AGO3: variants seen among roughly 807,000 people sequenced by gnomAD.
The protein encoded by AGO3 is protein argonaute-3.
A neutral mutation model predicts 105.5 loss-of-function variants in AGO3; 16 were observed. That is an observed-to-expected ratio of 0.15 (90% CI 0.10 to 0.23). The LOEUF (loss-of-function observed/expected upper bound fraction) is 0.23, where lower values mean the gene tolerates loss of function less well. Among genes scored for constraint, AGO3 ranks in the 10% least tolerant of loss-of-function variants. The pLI is 1.00. For synonymous variants in AGO3, 340 were observed against 367.3 expected (o/e 0.93, Z 0.85); for missense variants, 534 against 1,088.0 (o/e 0.49, Z 7.16).
chr1:35,958,494 C>G (rs963281346), intron 2 of AGO3, among the ~76,000 whole-genome samples: 1 of 152,026 alleles, frequency 6.6e-6, no homozygotes, highest in Non-Finnish European at 1.5e-5. Context: ...AACTCTGTCT[C>G]TACAAGAAAT....
intron 17 of AGO3, among the ~76,000 whole-genome samples, chr1:36,053,608 C>T (rs1642807192): frequency 1.3e-5 from 2 of 152,030 alleles, no homozygotes; most frequent in Admixed American, 6.6e-5. Flanking sequence ...GAGACAGGGT[C>T]TTGCTGTGTT....
At chr1:35,980,977 A>G (rs1418421699) in intron 5 of AGO3, among the ~76,000 whole-genome samples, 1 of 151,922 alleles carries the variant, frequency 6.6e-6, no homozygotes, top group Non-Finnish European at 1.5e-5. Context: ...TCATCTTTTT[A>G]ATTCTTAAAA....
chr1:36,034,059 T>C (rs897494208), intron 12 of AGO3, 115 bp from the exon 13 acceptor site: 8 of 1,024,044 alleles, frequency 7.8e-6, no homozygotes, highest in Non-Finnish European at 1.0e-5. Flanking sequence ...TAATTTTTGG[T>C]ATCCTGTAAT....
chr1:35,960,557 C>T (rs972504826), intron 2 of AGO3, among the ~76,000 whole-genome samples: 1 of 151,894 alleles, frequency 6.6e-6, no homozygotes, highest in Admixed American at 6.6e-5. Context: ...CATGTAATCT[C>T]AACACTCTGG....
chr1:35,965,489 C>CAAAAAAAA (rs1171759827), intron 2 of AGO3, among the ~76,000 whole-genome samples: 1 of 87,452 alleles, frequency 1.1e-5, no homozygotes, highest in Non-Finnish European at 2.4e-5. Context: ...GACGCTGTCT[C>CAAAAAAAA]AAAAAAAAAA....
chr1:36,036,087 A>G (rs1432487235), intron 13 of AGO3, 90 bp from the exon 14 acceptor site: 25 of 1,280,224 alleles, frequency 2.0e-5, no homozygotes, highest in South Asian at 9.8e-5. Flanking sequence ...TGTGCTGTCA[A>G]TAACTTGAAG....
At position 35,931,278 on chromosome 1, in the gene AGO3, T is replaced by G. The variant is rs1646040683; in HGVS notation, c.-149T>G. The G allele has an allele frequency of 1.8e-6, 1 of 559,814 alleles. No individual in the cohort carries two copies. The highest frequency in any genetic ancestry group is 2.9e-6 in the Non-Finnish European group (1 of 341,564). 34.7% of individuals were successfully genotyped at this position (559,814 alleles called of 1,614,324 possible). A position where few individuals can be genotyped will look rare whatever the true frequency, so the allele number is the denominator to read the frequency against. ...CTCTTCCGGCCCAGAGCTTTCGGAG[T>G]GCGGTTGCTCAGGGGAAGCCGTCGC... On this transcript the variant is annotated 5_prime_UTR_variant, in exon 1 of 19. Coordinates refer to ENST00000373191, the MANE Select transcript of AGO3 (RefSeq NM_024852.4).
At chr1:36,044,195 A>G (rs1352413745) in intron 17 of AGO3, among the ~76,000 whole-genome samples, 2 of 152,050 alleles carry the variant, frequency 1.3e-5, no homozygotes, top group African/African-American at 4.8e-5. Flanking sequence ...AAATATAAAA[A>G]TTAGCCAGGT....
chr1:36,030,047 T>A (rs906682915), intron 12 of AGO3, among the ~76,000 whole-genome samples: 1 of 151,672 alleles, frequency 6.6e-6, no homozygotes, highest in Non-Finnish European at 1.5e-5. Context: ...ACCAATAGAG[T>A]GTGGAAAATA....
upstream of AGO3, chr1:35,931,005 C>G (rs1170169376): frequency 1.1e-5 from 4 of 355,596 alleles, no homozygotes; most frequent in African/African-American, 2.1e-5. Flanking sequence ...CCTGCCCCGA[C>G]GTCGCTCCGG....
rs1646038737 is a variant in AGO3 at position 35,931,209 on chromosome 1, C to T, written c.-218C>T. On this transcript the variant is annotated 5_prime_UTR_variant, in exon 1 of 19. Coordinates refer to ENST00000373191, the MANE Select transcript of AGO3 (RefSeq NM_024852.4). ...ACTCCCCTCTGTCCGCGCCTCACAT[C>T]TCCCCTTCCTCTCGCCTAGTCCTGT... 2.5e-6 allele frequency: 1 copy of T among 407,468 alleles called. No individual in the cohort carries two copies. Among genetic ancestry groups the T allele is most frequent in the Non-Finnish European group, 4.4e-6 (1 of 229,608 alleles). The allele number at this position is 407,468 out of a possible 1,614,324, so 25.2% of individuals were successfully genotyped here.
At chr1:35,937,694 A>G (rs1315882303) in intron 1 of AGO3, among the ~76,000 whole-genome samples, 2 of 152,204 alleles carry the variant, frequency 1.3e-5, no homozygotes, top group Non-Finnish European at 2.9e-5. Context: ...TGCTCAAAAA[A>G]AGAAATAAAT....
intron 11 of AGO3, among the ~76,000 whole-genome samples, chr1:36,019,907 T>C (rs1641124558): frequency 6.6e-6 from 1 of 152,160 alleles, no homozygotes; most frequent in African/African-American, 2.4e-5. Flanking sequence ...TAGCTGGGAT[T>C]GCAAGTACCT....
rs550939150 is a variant in AGO3 at position 36,069,533 on chromosome 1, T to C, written c.*13788T>C. On this transcript the variant is annotated 3_prime_UTR_variant, in exon 19 of 19. Coordinates refer to ENST00000373191, the MANE Select transcript of AGO3 (RefSeq NM_024852.4). Reference sequence around the variant, plus strand: ...TGCCTCTGTGAAAATGTCTTTGTTGTAGATCATTTTATGAAATAGGAATAA... The same window carrying C: ...TGCCTCTGTGAAAATGTCTTTGTTGCAGATCATTTTATGAAATAGGAATAA... The C allele has an allele frequency of 2.0e-5, 3 of 152,360 alleles. No individual in the cohort carries two copies. In the East Asian group the frequency reaches 5.8e-4, roughly 29 times the overall value. The allele number at this position is 152,360 out of a possible 1,614,324, so 9.4% of individuals were successfully genotyped here.
At chr1:35,961,247 G>A (rs896388882) in intron 2 of AGO3, among the ~76,000 whole-genome samples, 4 of 151,986 alleles carry the variant, frequency 2.6e-5, no homozygotes, top group African/African-American at 4.8e-5. Flanking sequence ...CACTGCGCCT[G>A]GCCATTGTTT....
At chr1:35,999,462 C>T (rs186843366) in intron 5 of AGO3, among the ~76,000 whole-genome samples, 4 of 152,180 alleles carry the variant, frequency 2.6e-5, no homozygotes, top group African/African-American at 4.8e-5. Context: ...ACTGAAATTG[C>T]GATTGAAGAT....
At chr1:36,003,708 AAAT>A (rs1393295731) in intron 5 of AGO3, among the ~76,000 whole-genome samples, 36 of 127,572 alleles carry the variant, frequency 2.8e-4, no homozygotes, top group African/African-American at 8.0e-4. Flanking sequence ...AAAAAAAAAA[AAAT>A]ATATATATAT....
At chr1:35,930,795 C>CCAGGTAGGCTACTCCT (rs1224238561), upstream of AGO3, 57 of 163,314 alleles carry the variant, frequency 3.5e-4, no homozygotes, top group Non-Finnish European at 5.8e-4. Flanking sequence ...CCCGCCGGCT[C>CCAGGTAGGCTACTCCT]CAGGTAGGCT....
intron 5 of AGO3, among the ~76,000 whole-genome samples, chr1:35,995,605 CCCAGGATAAAA>C (rs1305952437): frequency 6.6e-6 from 1 of 152,122 alleles, no homozygotes; most frequent in Non-Finnish European, 1.5e-5. Flanking sequence ...CAGAGTTTAT[CCCAGGATAAAA>C]CATTAAAACT....
Sources: gnomAD v4.1 joint callset for allele counts (sites outside exome capture counted in the v4.1 genomes callset) on GRCh38, gnomAD v4.1.1 for gene constraint, MANE v1.5 for transcripts, NCBI Gene and HGNC (gene_info 2026-07-23, HGNC 2026-07-21) for gene names.